RPH3A: variants seen among roughly 807,000 people sequenced by gnomAD.
RPH3A encodes rabphilin 3A.
Under a neutral mutation model 102.2 loss-of-function variants are expected in RPH3A, and 48 were observed. The observed-to-expected ratio is 0.47, with a 90% confidence interval of 0.37 to 0.60. RPH3A has a LOEUF of 0.60. Among genes scored for constraint, RPH3A ranks in the 20% least tolerant of loss-of-function variants. The pLI is 0.00. For synonymous variants in RPH3A, 310 were observed against 324.3 expected, an observed-to-expected ratio of 0.96 and a Z score of 0.47; for missense variants, 781 against 910.1, an observed-to-expected ratio of 0.86 and a Z score of 1.83.
At chr12:112,623,059 C>T (rs1186300783) in intron 1 of RPH3A, among the ~76,000 whole-genome samples, 15 of 140,414 alleles carry the variant, frequency 1.1e-4, no homozygotes, top group Middle Eastern at 3.8e-3. Context: ...CTGAAGGAAG[C>T]GCTAAACATG....
At chr12:112,764,398 A>G (rs567473163) in intron 1 of RPH3A, among the ~76,000 whole-genome samples, 1 of 152,322 alleles carries the variant, frequency 6.6e-6, no homozygotes, top group Non-Finnish European at 1.5e-5. Flanking sequence ...AAAACCTCAC[A>G]GGTGTCAAAC....
intron 1 of RPH3A, among the ~76,000 whole-genome samples, chr12:112,597,265 A>C (rs1020176236): frequency 6.6e-6 from 1 of 152,154 alleles, no homozygotes; most frequent in African/African-American, 2.4e-5. Flanking sequence ...GAATGTTTCA[A>C]TGTATTATTT....
At chr12:112,693,332 AC>A (rs2040321948) in intron 1 of RPH3A, among the ~76,000 whole-genome samples, 1 of 152,204 alleles carries the variant, frequency 6.6e-6, no homozygotes, top group Admixed American at 6.5e-5. Flanking sequence ...ACATGGGGTC[AC>A]CTTTGACTCA....
chr12:112,715,800 A>G (rs2040509979), intron 1 of RPH3A, among the ~76,000 whole-genome samples: 1 of 152,226 alleles, frequency 6.6e-6, no homozygotes, highest in Admixed American at 6.5e-5. Context: ...CCCATACAGT[A>G]AAGTGAAAGC....
rs942185928 is a variant in RPH3A at position 112,870,480 on chromosome 12, T to C, written c.796+441T>C. The stretch of plus-strand genomic sequence containing the variant: ...AGGATGTCACTGACATGTGCTCGTA[T>C]TGGGTACCTCACATTTCTGGCCTCA... On this transcript the variant is annotated intron_variant, in intron 10 of 21. Coordinates refer to ENST00000389385, the MANE Select transcript of RPH3A (RefSeq NM_001143854.2). Among the ~76,000 whole-genome samples, 8 of 152,244 alleles carry C rather than the reference T, an allele frequency of 5.3e-5. No homozygotes were observed. In the East Asian group the frequency reaches 1.2e-3, roughly 22 times the overall value.
chr12:112,663,694 G>A (rs1480572116), intron 1 of RPH3A, among the ~76,000 whole-genome samples: 1 of 152,022 alleles, frequency 6.6e-6, no homozygotes, highest in Non-Finnish European at 1.5e-5. Flanking sequence ...TGCTAAAATG[G>A]GTTTGAATTG....
intron 1 of RPH3A, among the ~76,000 whole-genome samples, chr12:112,766,099 A>G (rs2040886880): frequency 6.6e-6 from 1 of 151,926 alleles, no homozygotes; most frequent in East Asian, 1.9e-4. Context: ...TTGCTCCCCA[A>G]GCCTACACAA....
intron 1 of RPH3A, among the ~76,000 whole-genome samples, chr12:112,600,120 A>AT (rs1326624312): frequency 6.6e-6 from 1 of 152,146 alleles, no homozygotes; most frequent in East Asian, 1.9e-4. Flanking sequence ...CATAACATAT[A>AT]TTCCTGAGTC....
intron 1 of RPH3A, among the ~76,000 whole-genome samples, chr12:112,668,071 G>A (rs1247684530): frequency 6.6e-6 from 1 of 152,010 alleles, no homozygotes; most frequent in Non-Finnish European, 1.5e-5. Context: ...CACTTCCATG[G>A]CTTCATTCAT....
chr12:112,889,890 G>C lies in RPH3A; in HGVS notation c.1564-134G>C. On this transcript the variant is annotated intron_variant, in intron 17 of 21. Coordinates refer to ENST00000389385, the MANE Select transcript of RPH3A (RefSeq NM_001143854.2). The stretch of plus-strand genomic sequence containing the variant: ...TTTAGCTAAAAGGGAGAATGCAGGA[G>C]AGCCACAGTAGCTTAAGAACCCACT... The C allele has an allele frequency of 5.3e-6, 4 of 748,298 alleles. No homozygotes were observed. The South Asian group carries it at 6.8e-5, about 13-fold the overall frequency. The allele number at this position is 748,298 out of a possible 1,614,324, so 46.4% of individuals were successfully genotyped here. A position where few individuals can be genotyped will look rare whatever the true frequency, so the allele number is the denominator to read the frequency against.
At chr12:112,806,165 T>C (rs763862807) in intron 2 of RPH3A, among the ~76,000 whole-genome samples, 20 of 152,250 alleles carry the variant, frequency 1.3e-4, no homozygotes, top group Non-Finnish European at 2.5e-4. Flanking sequence ...AAAAGTCACT[T>C]ACTGCAAATA....
intron 1 of RPH3A, among the ~76,000 whole-genome samples, chr12:112,700,253 G>C (rs561706528): frequency 6.6e-6 from 1 of 152,200 alleles, no homozygotes; most frequent in East Asian, 1.9e-4. Context: ...ATTTTTAGGA[G>C]AGACAGGGTT....
At chr12:112,590,546 A>G (rs2039469696) in intron 1 of RPH3A, among the ~76,000 whole-genome samples, 1 of 152,220 alleles carries the variant, frequency 6.6e-6, no homozygotes. Flanking sequence ...TGTCATGGAA[A>G]TGGCTCATGG....
intron 13 of RPH3A, among the ~76,000 whole-genome samples, chr12:112,878,803 G>A (rs978437570): frequency 6.6e-6 from 1 of 152,236 alleles, no homozygotes; most frequent in African/African-American, 2.4e-5. Flanking sequence ...CTATGATTAT[G>A]TGCCATGTGT....
At chr12:112,863,344 G>A (rs1225101368) in intron 5 of RPH3A, among the ~76,000 whole-genome samples, 1 of 152,210 alleles carries the variant, frequency 6.6e-6, no homozygotes, top group Non-Finnish European at 1.5e-5. Context: ...TTGAGACAGA[G>A]TCTCGTTCTG....
intron 1 of RPH3A, among the ~76,000 whole-genome samples, chr12:112,768,299 T>A (rs930619391): frequency 2.6e-4 from 39 of 152,176 alleles, no homozygotes; most frequent in Admixed American, 2.2e-3. Context: ...ACTCCTGCTC[T>A]CTAAACTCTT....
intron 1 of RPH3A, among the ~76,000 whole-genome samples, chr12:112,581,361 A>C (rs921134527): frequency 6.6e-6 from 1 of 152,168 alleles, no homozygotes; most frequent in Non-Finnish European, 1.5e-5. Context: ...TGAGAAAAAC[A>C]TGGGAAAGAC....
At chr12:112,628,934 G>A (rs952299439) in intron 1 of RPH3A, among the ~76,000 whole-genome samples, 2 of 152,130 alleles carry the variant, frequency 1.3e-5, no homozygotes, top group African/African-American at 4.8e-5. Context: ...GGCAGCGTGG[G>A]TGTGAGTCAA....
At chr12:112,853,246 C>G (rs1337408415) in intron 5 of RPH3A, among the ~76,000 whole-genome samples, 1 of 152,200 alleles carries the variant, frequency 6.6e-6, no homozygotes, top group South Asian at 2.1e-4. Context: ...CCAGGTCATA[C>G]TCTCCTCTTT....
Sources: allele counts gnomAD v4.1 joint callset (sites outside exome capture counted in the v4.1 genomes callset), GRCh38; gene constraint gnomAD v4.1.1; transcripts MANE v1.5; gene names NCBI Gene and HGNC (gene_info 2026-07-23, HGNC 2026-07-21).